MAGI2: variants seen among roughly 807,000 people sequenced by gnomAD.
MAGI2 encodes membrane-associated guanylate kinase, WW and PDZ domain-containing protein 2.
Under a neutral mutation model 133.3 loss-of-function variants are expected in MAGI2, and 35 were observed. The observed-to-expected ratio is 0.26, with a 90% CI of 0.20 to 0.35. The LOEUF (loss-of-function observed/expected upper bound fraction) is 0.35, where lower values mean the gene tolerates loss of function less well. MAGI2 is among the 10% of genes least tolerant of loss of function. MAGI2 has a pLI of 1.00. For missense variants in MAGI2, 1,636 were observed against 1,863.4 expected (o/e 0.88, Z 2.25); for synonymous variants, 729 against 710.6 (o/e 1.03, Z -0.41).
At chr7:79,105,151 C>T (rs905405645) in intron 1 of MAGI2, among the ~76,000 whole-genome samples, 7 of 152,300 alleles carry the variant, frequency 4.6e-5, no homozygotes, top group South Asian at 2.1e-4. Context: ...TGCAGTTATG[C>T]GAGTTTCATA....
chr7:79,249,732 A>G (rs985500721), intron 1 of MAGI2, among the ~76,000 whole-genome samples: 4 of 152,172 alleles, frequency 2.6e-5, no homozygotes, highest in African/African-American at 9.6e-5. Context: ...AGGAAGAACT[A>G]AAACCAATCC....
In MAGI2 at chr7:79,433,409, C is replaced by T. The variant is rs59381582; in HGVS notation, c.301+19611G>A. ...CTACTAAAAAATACAAAAAATTAGC[C>T]GGGCGTGGTGGCAGGCGCCTGTAGT... On this transcript the variant is annotated intron_variant, in intron 1 of 21. Transcript: ENST00000354212. 9.1e-3 allele frequency among the ~76,000 whole-genome samples: 1,377 copies of T among 152,012 alleles called. 15 individuals carry two copies. The highest frequency in any genetic ancestry group is 0.032 in the African/African-American group (1,322 of 41,470).
At chr7:78,807,229 G>C (rs1188176871) in intron 2 of MAGI2, among the ~76,000 whole-genome samples, 2 of 151,974 alleles carry the variant, frequency 1.3e-5, no homozygotes, top group Non-Finnish European at 2.9e-5. Flanking sequence ...TGTTTATGCA[G>C]ATTATAGCTA....
intron 1 of MAGI2, among the ~76,000 whole-genome samples, chr7:79,357,984 T>C (rs1409141102): frequency 6.6e-6 from 1 of 152,150 alleles, no homozygotes; most frequent in Admixed American, 6.5e-5. Context: ...GTGCATTCTG[T>C]TTTGTTCAGG....
At chr7:78,104,990 C>CCTT (rs36016695) in intron 20 of MAGI2, among the ~76,000 whole-genome samples, 119,471 of 151,856 alleles carry the variant, frequency 0.79, 47,085 homozygotes, top group Non-Finnish European at 0.81. Context: ...CCTCCCACCT[C>CCTT]ATCTCCCAGA....
intron 1 of MAGI2, among the ~76,000 whole-genome samples, chr7:79,290,103 C>G (rs978770701): frequency 2.6e-5 from 4 of 151,980 alleles, no homozygotes. Flanking sequence ...ATATTAACTA[C>G]ATATTGCATA....
At chr7:78,765,648 T>C (rs1291952353) in intron 2 of MAGI2, among the ~76,000 whole-genome samples, 5 of 152,060 alleles carry the variant, frequency 3.3e-5, no homozygotes. Flanking sequence ...CGCCCGGCCC[T>C]AGTGCATATC....
rs1808129386 is a variant in MAGI2 at position 78,019,716 on chromosome 7, C to T, written c.3967G>A (p.Ala1323Thr). 6.3e-7 allele frequency: 1 copy of T among 1,599,646 alleles called. No homozygotes were observed. ...GCCTCCTCGAGCCTCGGCCGCGCGG[C>T]CCTCTGCGGACTCGCCGAGCGCTCC... Reference protein sequence around the residue: ...QRERSASPQRAARPRLEEAPG... With the variant: ...QRERSASPQRTARPRLEEAPG... Residue 1323 changes from alanine to threonine, a missense_variant, in exon 22 of 22, where the codon GCC becomes ACC. By Grantham distance (58) the Ala-to-Thr change is moderately conservative. This residue lies in a region of MAGI2 where 354 missense variants were observed against 298.7 expected (regional missense o/e 1.19). Coordinates refer to ENST00000354212, the MANE Select transcript of MAGI2 (RefSeq NM_012301.4).
chr7:78,423,364 G>A (rs1798975115), intron 6 of MAGI2, among the ~76,000 whole-genome samples: 1 of 152,206 alleles, frequency 6.6e-6, no homozygotes, highest in South Asian at 2.1e-4. Context: ...CAGCCATGTG[G>A]AACTGTAAGT....
intron 6 of MAGI2, among the ~76,000 whole-genome samples, chr7:78,402,348 ACCTGGGGCGTATGTG>A: frequency 5.3e-5 from 2 of 38,092 alleles, no homozygotes; most frequent in East Asian, 5.2e-3. Flanking sequence ...GTGTGTGTCC[ACCTGGGGCGTATGTG>A]TGTATCCACC....
chr7:78,414,530 A>G (rs1798128917), intron 6 of MAGI2, among the ~76,000 whole-genome samples: 1 of 151,972 alleles, frequency 6.6e-6, no homozygotes, highest in Non-Finnish European at 1.5e-5. Context: ...GTAGGACAAA[A>G]TTCAATAACT....
At chr7:78,550,460 A>G (rs1228381923) in intron 3 of MAGI2, among the ~76,000 whole-genome samples, 1 of 152,204 alleles carries the variant, frequency 6.6e-6, no homozygotes, top group Admixed American at 6.5e-5. Flanking sequence ...AAGAAAAACA[A>G]TATTTGTAAA....
intron 1 of MAGI2, among the ~76,000 whole-genome samples, chr7:79,294,617 T>C (rs1309063003): frequency 6.6e-6 from 1 of 152,098 alleles, no homozygotes; most frequent in Admixed American, 6.5e-5. Flanking sequence ...GAGTTTATTC[T>C]TTTTCTTTTT....
intron 20 of MAGI2, among the ~76,000 whole-genome samples, chr7:78,086,796 G>A (rs28654867): frequency 0.013 from 1,975 of 151,008 alleles, 31 homozygotes; most frequent in African/African-American, 0.033. Context: ...TACTATGTCT[G>A]ACTAATTTTT....
intron 2 of MAGI2, among the ~76,000 whole-genome samples, chr7:78,942,443 T>C (rs10485921): frequency 0.081 from 12,302 of 152,142 alleles, 1,074 homozygotes; most frequent in African/African-American, 0.19. Context: ...CTTACCATGA[T>C]ATATGTGGAA....
intron 9 of MAGI2, among the ~76,000 whole-genome samples, chr7:78,261,395 C>T (rs1021742744): frequency 1.3e-5 from 2 of 152,134 alleles, no homozygotes; most frequent in Non-Finnish European, 2.9e-5. Context: ...TCTTCCATCA[C>T]TCTTCCTGAC....
chr7:78,933,301 A>G (rs951884553), intron 2 of MAGI2, among the ~76,000 whole-genome samples: 1 of 152,156 alleles, frequency 6.6e-6, no homozygotes, highest in African/African-American at 2.4e-5. Context: ...GGTATCTTAG[A>G]TCAATGAAGA....
At chr7:78,199,660 A>T (rs1019015034) in intron 11 of MAGI2, among the ~76,000 whole-genome samples, 2 of 152,336 alleles carry the variant, frequency 1.3e-5, no homozygotes, top group East Asian at 3.9e-4. Context: ...TTTCTGGTAG[A>T]TACATGGAAG....
intron 3 of MAGI2, among the ~76,000 whole-genome samples, chr7:78,565,677 C>A (rs1228321215): frequency 6.6e-6 from 1 of 152,124 alleles, no homozygotes; most frequent in African/African-American, 2.4e-5. Context: ...GGCCTTACTT[C>A]AGAAATTTCC....
Sources: allele counts gnomAD v4.1 joint callset (sites outside exome capture counted in the v4.1 genomes callset), GRCh38; gene constraint gnomAD v4.1.1; regional missense constraint gnomAD v4.1.1; transcripts MANE v1.5; gene names NCBI Gene and HGNC (gene_info 2026-07-23, HGNC 2026-07-21).